The following AMOT variants were observed in gnomAD, a reference collection of about 807,000 sequenced individuals.
The protein encoded by AMOT is angiomotin.
AMOT carries 11 observed loss-of-function variants against 67.0 expected under a neutral mutation model. The observed-to-expected ratio is 0.16, with a 90% CI of 0.10 to 0.27. AMOT has a LOEUF of 0.27. Ranked by LOEUF, AMOT falls within the 10% of genes least tolerant of loss-of-function variation. AMOT has a pLI of 1.00. For missense variants in AMOT, 753 were observed against 852.0 expected, an observed-to-expected ratio of 0.88 and a Z score of 1.45; for synonymous variants, 326 against 321.4, an observed-to-expected ratio of 1.01 and a Z score of -0.15.
At chrX:112,818,245 C>T (rs969204888) in intron 4 of AMOT, among the ~76,000 whole-genome samples, 3 of 111,094 alleles carry the variant, frequency 2.7e-5, no homozygotes, top group African/African-American at 9.9e-5. Context: ...ATCAAGCAAC[C>T]CAGGCCTCTC....
rs184503264 is a variant in AMOT at position 112,785,292 on chromosome X, G to A, written c.2118-2630C>T. 2.8e-3 allele frequency among the ~76,000 whole-genome samples: 313 copies of A among 111,589 alleles called. 1 individual carries two copies. The highest frequency in any genetic ancestry group is 8.1e-3 in the Admixed American group (86 of 10,566). The stretch of plus-strand genomic sequence containing the variant: ...CTTCTTTCTCCTTCTTTTTTTTGAC[G>A]AAGTTATCCCATCACATTGCTCAAA... On this transcript the variant is annotated intron_variant, in intron 10 of 13. Transcript: ENST00000371959.
At chrX:112,780,747 A>G (rs1257901935) in intron 12 of AMOT, 139 bp downstream of exon 12, 1 of 586,619 alleles carries the variant, frequency 1.7e-6, no homozygotes, top group Non-Finnish European at 2.6e-6. Context: ...GGGTCTCAGG[A>G]GGAAAAAAAA....
chrX:112,812,927 A>G (rs1934416441), intron 5 of AMOT, among the ~76,000 whole-genome samples: 1 of 112,968 alleles, frequency 8.9e-6, no homozygotes, highest in African/African-American at 3.2e-5. Context: ...TTCTCTTCAC[A>G]GATGGCACCA....
chrX:112,779,152 G>T lies in AMOT; in HGVS notation c.3002C>A (p.Thr1001Asn). The T allele has an allele frequency of 1.0e-6, 1 of 957,525 alleles. No individual in the cohort carries two copies. Among genetic ancestry groups the T allele is most frequent in the Non-Finnish European group, 1.5e-6 (1 of 663,263 alleles). 78.9% of individuals were successfully genotyped at this position (957,525 alleles called of 1,213,427 possible). Residue 1001 changes from threonine (T) to asparagine (N), a missense_variant, in exon 13 of 14, where the codon ACT becomes AAT. Around this residue, in one of 5 missense-constraint regions of AMOT, gnomAD observed 269 missense variants for 300.9 expected, o/e 0.89. Transcript: ENST00000371959. The stretch of plus-strand genomic sequence containing the variant: ...AGCCGGAGCTGAAGTTGGTGCCTGA[G>T]TCTGAGCAGGAGCAGAAGCCTGAGC... ...AAAQASAPAQTQAPTSAPAVA... is the reference protein window; with the variant it reads ...AAAQASAPAQNQAPTSAPAVA...
At chrX:112,839,359 T>C (rs1375164535) in intron 1 of AMOT, among the ~76,000 whole-genome samples, 1 of 112,255 alleles carries the variant, frequency 8.9e-6, no homozygotes, top group African/African-American at 3.2e-5. Flanking sequence ...AGAAAGAACT[T>C]TTCACAAAGC....
At chrX:112,804,370 C>T (rs187662770) in intron 8 of AMOT, among the ~76,000 whole-genome samples, 1 of 111,195 alleles carries the variant, frequency 9.0e-6, no homozygotes, top group African/African-American at 3.3e-5. Flanking sequence ...TATTCAAAAA[C>T]CAATCTGCCA....
chrX:112,826,376 T>C (rs935638395), intron 2 of AMOT, among the ~76,000 whole-genome samples: 1 of 112,801 alleles, frequency 8.9e-6, no homozygotes, highest in African/African-American at 3.2e-5. Context: ...TTTAACATTA[T>C]TTCCTTGCAA....
At chrX:112,797,898 GAGAA>G (rs546026722) in intron 8 of AMOT, among the ~76,000 whole-genome samples, 1,284 of 109,533 alleles carry the variant, frequency 0.012, 13 homozygotes, top group African/African-American at 0.038. Flanking sequence ...GAGAGAAAGA[GAGAA>G]AGAAAGAAAG....
chrX:112,812,813 A>C (rs1055876402), intron 5 of AMOT, among the ~76,000 whole-genome samples: 1 of 112,183 alleles, frequency 8.9e-6, no homozygotes, highest in African/African-American at 3.2e-5. Flanking sequence ...TTGCCAAACC[A>C]GTCAGATTCA....
chrX:112,812,897 G>C (rs975916588), intron 5 of AMOT, among the ~76,000 whole-genome samples: 2 of 112,556 alleles, frequency 1.8e-5, no homozygotes, highest in African/African-American at 6.5e-5. Flanking sequence ...CCACAGAAAA[G>C]AGCAGACTCA....
At chrX:112,820,385 G>A (rs778424220) in intron 4 of AMOT, among the ~76,000 whole-genome samples, 3 of 110,720 alleles carry the variant, frequency 2.7e-5, no homozygotes, top group East Asian at 2.8e-4. Flanking sequence ...AAATTTCTCC[G>A]GTGGTTTAAT....
chrX:112,792,227 T>C (rs1256725669), intron 8 of AMOT, among the ~76,000 whole-genome samples: 2 of 112,330 alleles, frequency 1.8e-5, no homozygotes. Flanking sequence ...CCTATCTCTA[T>C]ACCTTCCCAA....
intron 8 of AMOT, among the ~76,000 whole-genome samples, chrX:112,802,542 G>C (rs1934048585): frequency 8.9e-6 from 1 of 112,172 alleles, no homozygotes; most frequent in Admixed American, 9.4e-5. Flanking sequence ...CTGGGTAGAG[G>C]GTGGTAAGCC....
chrX:112,792,447 C>T (rs1269846447), intron 8 of AMOT, among the ~76,000 whole-genome samples: 1 of 112,407 alleles, frequency 8.9e-6, no homozygotes, highest in East Asian at 2.8e-4. Flanking sequence ...AAGCCCACCC[C>T]TTTTATGTAG....
intron 8 of AMOT, among the ~76,000 whole-genome samples, chrX:112,802,396 T>C (rs931271051): frequency 2.7e-5 from 3 of 112,547 alleles, no homozygotes; most frequent in African/African-American, 9.7e-5. Context: ...AATCCAGCTC[T>C]GAGAGACTGC....
chrX:112,814,462 C>T (rs1468380079), intron 5 of AMOT, among the ~76,000 whole-genome samples: 1 of 109,620 alleles, frequency 9.1e-6, no homozygotes, highest in Non-Finnish European at 1.9e-5. Context: ...GTCCCTCCCC[C>T]ACCTTCACCC....
rs968344930 is a variant in AMOT, at chrX:112,776,207, A to T, written c.*2360T>A. 3.6e-5 allele frequency: 4 copies of T among 112,427 alleles called. No individual in the cohort carries two copies. Among genetic ancestry groups the T allele is most frequent in the African/African-American group, 1.3e-4 (4 of 30,911 alleles). The allele number at this position is 112,427 out of a possible 1,213,427, so 9.3% of individuals were successfully genotyped here. ...AGAGATGGCTACCACACAATGTGGA[A>T]TGTATGACATTTGTCACCTTGCAGA... is the stretch of plus-strand genomic sequence containing the variant. On this transcript the variant is annotated 3_prime_UTR_variant, in exon 14 of 14. Transcript: ENST00000371959.
rs1293667898 is a variant in AMOT at position 112,782,427 on chromosome X, G to T, written c.2240+113C>A. On this transcript the variant is annotated intron_variant, in intron 11 of 13. Transcript: ENST00000371959. ...ACCTTTAAGTGACAGGCTGGCAGGG[G>T]TGATGGTGGAGCGGGGAGGCTGCAT... 3 of 1,012,046 alleles carry T rather than the reference G, an allele frequency of 3.0e-6. No individual in the cohort carries two copies. The African/African-American group carries it at 5.6e-5, about 19-fold the overall frequency. 83.4% of individuals were successfully genotyped at this position (1,012,046 alleles called of 1,213,427 possible).
intron 8 of AMOT, among the ~76,000 whole-genome samples, 200 bp downstream of exon 8, chrX:112,804,747 G>C (rs1473897573): frequency 1.8e-5 from 2 of 111,182 alleles, no homozygotes; most frequent in African/African-American, 6.6e-5. Flanking sequence ...TCCTATTTTG[G>C]AGCAAAAGAA....
Sources: gnomAD v4.1 joint callset for allele counts (sites outside exome capture counted in the v4.1 genomes callset) on GRCh38, gnomAD v4.1.1 for gene constraint, gnomAD v4.1.1 regional missense constraint, MANE v1.5 for transcripts, NCBI Gene and HGNC (gene_info 2026-07-23, HGNC 2026-07-21) for gene names.